The following CYFIP2 variants were observed in gnomAD, a reference collection of about 807,000 sequenced individuals.
The protein encoded by CYFIP2 is cytoplasmic FMR1-interacting protein 2.
Under a neutral mutation model 158.7 loss-of-function variants are expected in CYFIP2, and 29 were observed. That is an observed-to-expected ratio of 0.18 (90% CI 0.14 to 0.25). CYFIP2 has a LOEUF of 0.25. CYFIP2 is among the 10% of genes least tolerant of loss of function. CYFIP2 has a pLI of 1.00. For missense variants in CYFIP2, 852 were observed against 1,639.5 expected (o/e 0.52, Z 8.29); for synonymous variants, 585 against 617.6 (o/e 0.95, Z 0.78).
chr5:157,389,464 C>A (rs768829181), intron 29 of CYFIP2, 37 bp downstream of exon 29: 1 of 1,499,924 alleles, frequency 6.7e-7, no homozygotes, highest in Non-Finnish European at 9.0e-7. Context: ...TTACCCCCAA[C>A]CTGCCTGTGC....
At chr5:157,282,659 T>C (rs1232153168) in intron 1 of CYFIP2, among the ~76,000 whole-genome samples, 1 of 152,218 alleles carries the variant, frequency 6.6e-6, no homozygotes, top group Non-Finnish European at 1.5e-5. Context: ...CTTATGGAAG[T>C]TTGTTAGATA....
At chr5:157,363,422 A>G (rs1764031842) in intron 26 of CYFIP2, 1 of 152,332 alleles carries the variant, frequency 6.6e-6, no homozygotes, top group African/African-American at 2.4e-5. Flanking sequence ...AGAGAGGGGA[A>G]CGAGCAAAGT....
At position 157,382,586 on chromosome 5, in the gene CYFIP2, G is replaced by A. The variant is rs577622097; in HGVS notation, c.3040-4G>A. On this transcript the variant is annotated splice_polypyrimidine_tract_variant and splice_region_variant and intron_variant, in intron 26 of 30. Coordinates refer to ENST00000620254, the MANE Select transcript of CYFIP2 (RefSeq NM_001037333.3). ...TTTCTCTTTCTTTACCCCCATCTCT[G>A]CAGTCTCAGGAGGAGGTCTGCGATT... The A allele has an allele frequency of 1.4e-5, 22 of 1,613,770 alleles. No individual in the cohort carries two copies. The highest frequency in any genetic ancestry group is 2.2e-5 in the East Asian group (1 of 44,896).
intron 26 of CYFIP2, among the ~76,000 whole-genome samples, chr5:157,368,614 C>T (rs1343699920): frequency 6.6e-6 from 1 of 152,192 alleles, no homozygotes; most frequent in Non-Finnish European, 1.5e-5. Context: ...CCCAATAATA[C>T]CCTTCCTTTG....
intron 5 of CYFIP2, 93 bp downstream of exon 5, chr5:157,296,867 A>G (rs751919139): frequency 1.0e-6 from 1 of 982,424 alleles, no homozygotes. Flanking sequence ...CATGTTATTT[A>G]TTCACTAAGC....
chr5:157,388,651 C>T (rs999399857), intron 28 of CYFIP2, among the ~76,000 whole-genome samples: 3 of 152,200 alleles, frequency 2.0e-5, no homozygotes, highest in East Asian at 1.9e-4. Context: ...GTTCTATTTA[C>T]TTTACAACTT....
Position 157,310,150 on chromosome 5 carries a change from G to T in CYFIP2, c.992+316G>T, listed in dbSNP as rs187798459. On this transcript the variant is annotated intron_variant, in intron 10 of 30. Transcript: ENST00000620254. The stretch of plus-strand genomic sequence containing the variant: ...AGAGTGGCCAGCCCTCAGTGGTCCA[G>T]TGAGGAGAGGTGGCGTTGTTCCTCC... Among the ~76,000 whole-genome samples the T allele has an allele frequency of 3.9e-5, 6 of 152,346 alleles. No homozygotes were observed. The East Asian group carries it at 1.2e-3, about 29-fold the overall frequency.
Position 157,311,445 on chromosome 5 carries a change from G to C in CYFIP2, c.993-219G>C. ...AAAGGCCTACAGTTGGATCCTAGAT[G>C]AGGCTGGCACCAAAGAGGAGGAGGA... is the stretch of plus-strand genomic sequence containing the variant. On this transcript the variant is annotated intron_variant, in intron 10 of 30. Transcript: ENST00000620254. This position sits in a 1 kb window ranked among gnomAD's most constrained non-coding sequence, Gnocchi z 4.7. 1.7e-6 allele frequency: 1 copy of C among 572,714 alleles called. No individual in the cohort carries two copies. The highest frequency in any genetic ancestry group is 3.1e-6 in the Non-Finnish European group (1 of 319,170). The allele number at this position is 572,714 out of a possible 1,614,324, so 35.5% of individuals were successfully genotyped here.
chr5:157,357,099 C>T (rs141296581), intron 23 of CYFIP2, among the ~76,000 whole-genome samples: 10 of 152,300 alleles, frequency 6.6e-5, no homozygotes, highest in Non-Finnish European at 1.5e-4. Context: ...CTCCTTCTCA[C>T]GTTCCAGGCC....
At chr5:157,382,728 G>T in intron 27 of CYFIP2, 66 bp downstream of exon 27, 1 of 1,491,512 alleles carries the variant, frequency 6.7e-7, no homozygotes, top group East Asian at 2.3e-5. Flanking sequence ...CTTCCTAATT[G>T]CAGTCAACTC....
chr5:157,342,780 T>C, intron 23 of CYFIP2: 1 of 1,330,624 alleles, frequency 7.5e-7, no homozygotes, highest in Non-Finnish European at 1.0e-6. Flanking sequence ...GAGAAATGGG[T>C]AGTCTATAGA....
intron 3 of CYFIP2, chr5:157,288,714 A>C: frequency 2.3e-6 from 1 of 442,480 alleles, no homozygotes; most frequent in Non-Finnish European, 4.5e-6. Context: ...AGCCCAAAAA[A>C]ATTGCATAAC....
chr5:157,383,155 A>T, intron 27 of CYFIP2, 110 bp from the exon 28 acceptor site: 1 of 899,400 alleles, frequency 1.1e-6, no homozygotes, highest in Non-Finnish European at 1.8e-6. Flanking sequence ...CACACACTCC[A>T]TCCCATTTTT....
In CYFIP2 at chr5:157,333,329, G is replaced by T. The variant is rs1761621312; in HGVS notation, c.2268G>T (p.Leu756=). 1 of 1,613,914 alleles carries T rather than the reference G, an allele frequency of 6.2e-7. No homozygotes were observed. The highest frequency in any genetic ancestry group is 8.5e-7 in the Non-Finnish European group (1 of 1,179,852). Residue 756 remains leucine, a splice_region_variant and synonymous_variant, in exon 21 of 31, where the codon CTG becomes CTT. Transcript: ENST00000620254. The part of the protein sequence containing the change: ...ETLLKQRHVQ[L]LGRSIDLNRL... The stretch of plus-strand genomic sequence containing the variant: ...TTTCTCTCTCTCTCTTCATCCAGCT[G>T]TTGGGTAGATCAATTGACTTGAACA...
intron 26 of CYFIP2, chr5:157,365,048 A>T (rs971106644): frequency 1.3e-5 from 2 of 152,160 alleles, no homozygotes. Context: ...TAAACCACAA[A>T]TAACTCTGCA....
chr5:157,343,309 G>T, intron 23 of CYFIP2: 1 of 1,614,212 alleles, frequency 6.2e-7, no homozygotes, highest in Non-Finnish European at 8.5e-7. Flanking sequence ...TCTTACAGCT[G>T]ATGCACAGGA....
chr5:157,267,387 C>G (rs2113794684), intron 1 of CYFIP2, among the ~76,000 whole-genome samples: 1 of 152,312 alleles, frequency 6.6e-6, no homozygotes, highest in East Asian at 1.9e-4. Context: ...TGGGTCTCAC[C>G]TTACTCTTGG....
chr5:157,370,914 A>ATAGAT (rs1764936527), intron 26 of CYFIP2, among the ~76,000 whole-genome samples: 1 of 152,254 alleles, frequency 6.6e-6, no homozygotes, highest in Non-Finnish European at 1.5e-5. Context: ...CAAGCAAGGC[A>ATAGAT]TAGATTGACA....
chr5:157,369,012 C>CCTCA (rs1401973719), intron 26 of CYFIP2, among the ~76,000 whole-genome samples: 5 of 151,854 alleles, frequency 3.3e-5, no homozygotes, highest in African/African-American at 1.2e-4. Context: ...GATTCTCATC[C>CCTCA]CTCAGCCTCC....
Sources: gnomAD v4.1 joint callset for allele counts (sites outside exome capture counted in the v4.1 genomes callset) on GRCh38, gnomAD v4.1.1 for gene constraint, Gnocchi (gnomAD v3.1) non-coding constraint, MANE v1.5 for transcripts, NCBI Gene and HGNC (gene_info 2026-07-23, HGNC 2026-07-21) for gene names.